Variants in SMAD3 observed in about 807,000 individuals in gnomAD.
SMAD3 encodes SMAD family member 3.
In SMAD3, 12 loss-of-function variants were observed where a neutral mutation model predicts 51.8. That is an observed-to-expected ratio of 0.23 (90% CI 0.15 to 0.38). SMAD3 has a LOEUF of 0.38. Among genes scored for constraint, SMAD3 ranks in the 10% least tolerant of loss-of-function variants. SMAD3 has a pLI of 1.00. For missense variants in SMAD3, 294 were observed against 565.6 expected (o/e 0.52, Z 4.87); for synonymous variants, 238 against 227.7 (o/e 1.05, Z -0.41).
intron 1 of SMAD3, among the ~76,000 whole-genome samples, chr15:67,150,822 T>A (rs1419390090): frequency 1.6e-5 from 2 of 126,214 alleles, no homozygotes; most frequent in Admixed American, 8.4e-5. Flanking sequence ...TTTTTTTTAT[T>A]AAGAGAGCAA....
At chr15:67,147,955 TTC>T (rs1458331842) in intron 1 of SMAD3, among the ~76,000 whole-genome samples, 1 of 152,210 alleles carries the variant, frequency 6.6e-6, no homozygotes, top group Non-Finnish European at 1.5e-5. Flanking sequence ...TTCTGAAGTT[TTC>T]TCTCTCATCC....
Position 67,106,868 on chromosome 15 carries a change from G to C in SMAD3, c.206+40508G>C, listed in dbSNP as rs77372436. On this transcript the variant is annotated intron_variant, in intron 1 of 8. Coordinates refer to ENST00000327367, the MANE Select transcript of SMAD3 (RefSeq NM_005902.4). Reference sequence around the variant, plus strand: ...CTGATTACCTAATTCACACGAAGGTGTTAATGGTGGTAATGGCATAGTATT... The same window carrying C: ...CTGATTACCTAATTCACACGAAGGTCTTAATGGTGGTAATGGCATAGTATT... Among the ~76,000 whole-genome samples, 23 of 152,304 alleles carry C rather than the reference G, an allele frequency of 1.5e-4. No individual in the cohort carries two copies. In the East Asian group the frequency reaches 4.4e-3, roughly 29 times the overall value.
chr15:67,191,446 G>T lies in SMAD3; in HGVS notation c.*910G>T. ...CAGTCATCTGTAAGAGCTTGCTCCAGATTCTGATGCATACGGCTATATTGG... is the reference window on the plus strand; with the variant it reads ...CAGTCATCTGTAAGAGCTTGCTCCATATTCTGATGCATACGGCTATATTGG... On this transcript the variant is annotated 3_prime_UTR_variant, in exon 9 of 9. Coordinates refer to ENST00000327367, the MANE Select transcript of SMAD3 (RefSeq NM_005902.4). 8.6e-6 allele frequency: 2 copies of T among 233,434 alleles called. No individual in the cohort carries two copies. Among genetic ancestry groups the T allele is most frequent in the East Asian group, 1.2e-4 (2 of 16,732 alleles). 14.5% of individuals were successfully genotyped at this position (233,434 alleles called of 1,614,324 possible).
intron 1 of SMAD3, among the ~76,000 whole-genome samples, chr15:67,069,865 C>T (rs962161074): frequency 6.6e-6 from 1 of 152,092 alleles, no homozygotes; most frequent in African/African-American, 2.4e-5. Flanking sequence ...GCCACCACGC[C>T]CAGCTAATTT....
intron 1 of SMAD3, among the ~76,000 whole-genome samples, chr15:67,067,741 G>A (rs564887640): frequency 6.6e-6 from 1 of 152,184 alleles, no homozygotes; most frequent in Non-Finnish European, 1.5e-5. Context: ...TCAATAAAGG[G>A]GGAGGGAAGG....
At chr15:67,156,551 CTG>C (rs1457523224) in intron 1 of SMAD3, among the ~76,000 whole-genome samples, 1 of 152,214 alleles carries the variant, frequency 6.6e-6, no homozygotes, top group Non-Finnish European at 1.5e-5. Context: ...CTCAGGTGCT[CTG>C]TTTCTCAATC....
intron 1 of SMAD3, among the ~76,000 whole-genome samples, chr15:67,097,232 A>G (rs960461942): frequency 2.6e-5 from 4 of 151,332 alleles, no homozygotes; most frequent in Non-Finnish European, 5.9e-5. Flanking sequence ...TTGTTTTTGT[A>G]GGGGACAGGT....
intron 1 of SMAD3, among the ~76,000 whole-genome samples, chr15:67,153,666 G>A (rs1283077922): frequency 1.3e-5 from 2 of 152,058 alleles, no homozygotes; most frequent in Admixed American, 6.5e-5. Flanking sequence ...CACAGCTACC[G>A]GCATCCAGTG....
rs1359537342 is a variant in SMAD3 at position 67,151,059 on chromosome 15, T to C, written c.207-13836T>C. 4.0e-5 allele frequency among the ~76,000 whole-genome samples: 6 copies of C among 151,742 alleles called. No individual in the cohort carries two copies. The South Asian group carries it at 1.0e-3, about 26-fold the overall frequency. On this transcript the variant is annotated intron_variant, in intron 1 of 8. Coordinates refer to ENST00000327367, the MANE Select transcript of SMAD3 (RefSeq NM_005902.4). ...TTTTAGTAGAGACGGGGTTTCACCA[T>C]GTTGGCCAGGTTGGTCTTGGAACTC...
intron 1 of SMAD3, among the ~76,000 whole-genome samples, chr15:67,142,556 T>TA (rs1446839636): frequency 1.3e-5 from 2 of 152,138 alleles, no homozygotes; most frequent in African/African-American, 4.8e-5. Context: ...GTGTCCTAGA[T>TA]AAGAGGTTTC....
intron 1 of SMAD3, among the ~76,000 whole-genome samples, chr15:67,117,909 TG>T (rs1273107523): frequency 3.3e-5 from 5 of 152,114 alleles, no homozygotes; most frequent in Non-Finnish European, 7.4e-5. Context: ...CTGGCCAACG[TG>T]GCAAAACCCC....
rs1190086956 is a variant in SMAD3, at chr15:67,177,208, C to A, written c.659-4033C>A. 2.0e-5 allele frequency among the ~76,000 whole-genome samples: 3 copies of A among 152,236 alleles called. No individual in the cohort carries two copies. In the East Asian group the frequency reaches 5.8e-4, roughly 29 times the overall value. ...TGAGGAACTAGTAAGCATTGCCCAT[C>A]CACCAACCAGAGCCATAGACCATGT... On this transcript the variant is annotated intron_variant, in intron 5 of 8. Transcript: ENST00000327367.
chr15:67,145,480 G>T (rs1961950842), intron 1 of SMAD3, among the ~76,000 whole-genome samples: 1 of 152,190 alleles, frequency 6.6e-6, no homozygotes, highest in South Asian at 2.1e-4. Flanking sequence ...AATTCTCCCA[G>T]ATGATGTTTC....
At chr15:67,101,350 G>T (rs1960751757) in intron 1 of SMAD3, among the ~76,000 whole-genome samples, 1 of 152,192 alleles carries the variant, frequency 6.6e-6, no homozygotes, top group South Asian at 2.1e-4. Context: ...CAGGGTAAAT[G>T]AAACTGTAGC....
chr15:67,138,414 A>G (rs1001288151), intron 1 of SMAD3: 9 of 357,412 alleles, frequency 2.5e-5, no homozygotes, highest in South Asian at 1.3e-4. Context: ...AGGGTTCCAG[A>G]GTGTGGGGAG....
chr15:67,097,994 A>G (rs1178293931), intron 1 of SMAD3, among the ~76,000 whole-genome samples: 2 of 152,194 alleles, frequency 1.3e-5, no homozygotes, highest in Non-Finnish European at 2.9e-5. Flanking sequence ...TCTTAGTCAC[A>G]TGACCTTTGA....
chr15:67,186,264 TTC>T, intron 7 of SMAD3, among the ~76,000 whole-genome samples: 1 of 152,184 alleles, frequency 6.6e-6, no homozygotes, highest in Non-Finnish European at 1.5e-5. Context: ...TTCAGCCCTG[TTC>T]CACCACCCTT....
chr15:67,071,728 C>T (rs1041796167), intron 1 of SMAD3, among the ~76,000 whole-genome samples: 3 of 152,160 alleles, frequency 2.0e-5, no homozygotes, highest in Admixed American at 6.5e-5. Context: ...AAGAGAATGG[C>T]GTGAACCCAG....
At chr15:67,066,894 C>G (rs1026733753) in intron 1 of SMAD3, among the ~76,000 whole-genome samples, 2 of 152,172 alleles carry the variant, frequency 1.3e-5, no homozygotes, top group African/African-American at 4.8e-5. Context: ...TGACAGATTC[C>G]TTCTTCGTTC....
Sources: allele counts gnomAD v4.1 joint callset (sites outside exome capture counted in the v4.1 genomes callset), GRCh38; gene constraint gnomAD v4.1.1; transcripts MANE v1.5; gene names NCBI Gene and HGNC (gene_info 2026-07-23, HGNC 2026-07-21).